The following LTF variants were observed in gnomAD, a reference collection of about 807,000 sequenced individuals.
LTF encodes the protein epididymis luminal protein 110.
In LTF, 91 loss-of-function variants were observed where a neutral mutation model predicts 87.2. The observed-to-expected ratio is 1.04, with a 90% CI of 0.88 to 1.24. The LOEUF is 1.24. Among genes scored for constraint, LTF ranks in the 50% most tolerant of loss-of-function variants. The pLI, the probability that LTF is intolerant of heterozygous loss-of-function variation, is 0.00. For missense variants in LTF, 901 were observed against 904.3 expected, an observed-to-expected ratio of 1.00 and a Z score of 0.05; for synonymous variants, 378 against 356.1, an observed-to-expected ratio of 1.06 and a Z score of -0.69.
chr3:46,464,580 T>G (rs1468759288), intron 1 of LTF, among the ~76,000 whole-genome samples: 1 of 152,170 alleles, frequency 6.6e-6, no homozygotes, highest in African/African-American at 2.4e-5. Flanking sequence ...CTGGGAGGCC[T>G]TTTGAGAAGC....
At chr3:46,447,636 A>C (rs1702688740) in intron 9 of LTF, among the ~76,000 whole-genome samples, 1 of 152,182 alleles carries the variant, frequency 6.6e-6, no homozygotes, top group South Asian at 2.1e-4. Flanking sequence ...GGTTGCACTA[A>C]TCCTCTGTCC....
upstream of LTF, among the ~76,000 whole-genome samples, chr3:46,465,575 C>A (rs1027681397): frequency 6.6e-6 from 1 of 151,290 alleles, no homozygotes; most frequent in Non-Finnish European, 1.5e-5. Context: ...GAGAAAGATG[C>A]CCTATGGCTA....
chr3:46,447,443 C>G, intron 9 of LTF, 45 bp from the exon 10 acceptor site: 1 of 1,335,018 alleles, frequency 7.5e-7, no homozygotes, highest in South Asian at 1.2e-5. Flanking sequence ...GAGGCTGCAT[C>G]CCGTCCTGCC....
intron 2 of LTF, 150 bp downstream of exon 2, chr3:46,459,506 A>G: frequency 1.5e-6 from 1 of 674,194 alleles, no homozygotes; most frequent in Non-Finnish European, 2.1e-6. Flanking sequence ...CTCTGAAAAT[A>G]GCACAGTTCC....
intron 12 of LTF, 84 bp downstream of exon 12, chr3:46,445,197 C>A: frequency 7.3e-7 from 1 of 1,366,528 alleles, no homozygotes; most frequent in Non-Finnish European, 9.9e-7. Context: ...TGCAAATCCC[C>A]TCCCCTCCCT....
chr3:46,436,339 C>T (rs75094754), intron 16 of LTF, 110 bp from the exon 17 acceptor site: 137,012 of 973,992 alleles, frequency 0.14, 10,813 homozygotes, highest in African/African-American at 0.21. Flanking sequence ...GCCCTTCTCC[C>T]ATCACTGAGT....
rs775207265 is a variant in LTF, at chr3:46,439,353, G to T, written c.1851C>A (p.Ala617=). 3.7e-6 allele frequency: 6 copies of T among 1,614,214 alleles called. No individual in the cohort carries two copies. The Admixed American group carries it at 1.0e-4, about 27-fold the overall frequency. Residue 617 remains alanine, a synonymous_variant, in exon 15 of 17, where the codon GCC becomes GCA. Transcript: ENST00000231751. ...CCACCTTATCCATCCGAGACACCAC[G>T]GCATGATTCGGGGCCATGGCAAGAT... The part of the protein sequence containing the change: ...SCHLAMAPNH[A]VVSRMDKVER...
At chr3:46,478,890 C>G (rs1420186616) in intron 1 of LTF, among the ~76,000 whole-genome samples, 1 of 152,210 alleles carries the variant, frequency 6.6e-6, no homozygotes, top group Non-Finnish European at 1.5e-5. Context: ...GGGCGTGTGG[C>G]CTGCTCAGAC....
At chr3:46,481,528 A>G (rs1366451047) in intron 1 of LTF, among the ~76,000 whole-genome samples, 1 of 152,232 alleles carries the variant, frequency 6.6e-6, no homozygotes, top group African/African-American at 2.4e-5. Context: ...TATGCCACTA[A>G]GACTTGGGTA....
chr3:46,472,203 C>T (rs1703298945), intron 1 of LTF, among the ~76,000 whole-genome samples: 1 of 152,034 alleles, frequency 6.6e-6, no homozygotes, highest in South Asian at 2.1e-4. Context: ...TTAGGAGGTG[C>T]CTGCCATGAG....
At chr3:46,474,621 G>C (rs1476085224) in intron 1 of LTF, among the ~76,000 whole-genome samples, 1 of 152,158 alleles carries the variant, frequency 6.6e-6, no homozygotes, top group Admixed American at 6.5e-5. Flanking sequence ...CATTTATAGA[G>C]CCCTTTACCC....
At chr3:46,437,806 C>T (rs996169667) in intron 16 of LTF, 134 bp downstream of exon 16, 3 of 690,642 alleles carry the variant, frequency 4.3e-6, no homozygotes, top group African/African-American at 3.6e-5. Context: ...ATTATAATTT[C>T]CTGAACTGTA....
Position 46,449,901 on chromosome 3 carries a change from A to G in LTF, c.1010T>C (p.Leu337Pro), listed in dbSNP as rs992849720. ...AGTGAAGTAGCCGGAGCCAAGGTACAGCCCAGAATCTATCCTCGGGGGCAC... is the reference window on the plus strand; with the variant it reads ...AGTGAAGTAGCCGGAGCCAAGGTACGGCCCAGAATCTATCCTCGGGGGCAC... ...SRVPPRIDSG[L>P]YLGSGYFTAI... Residue 337 changes from leucine to proline, a missense_variant, in exon 8 of 17, where the codon CTG becomes CCG. Leu to Pro is a moderately conservative substitution (Grantham distance 98). Transcript: ENST00000231751. The G allele has an allele frequency of 4.3e-6, 7 of 1,614,170 alleles. No individual in the cohort carries two copies. Among genetic ancestry groups the G allele is most frequent in the Non-Finnish European group, 5.9e-6 (7 of 1,180,018 alleles).
chr3:46,457,915 C>G (rs894741446), intron 2 of LTF, among the ~76,000 whole-genome samples: 2 of 151,464 alleles, frequency 1.3e-5, no homozygotes. Flanking sequence ...GTAGCTGGGA[C>G]TACAGGCGTG....
At chr3:46,456,091 A>C in intron 3 of LTF, 113 bp from the exon 4 acceptor site, 2 of 1,086,268 alleles carry the variant, frequency 1.8e-6, no homozygotes, top group Non-Finnish European at 2.6e-6. Context: ...CAGTTTCCTC[A>C]CAGCTCACGT....
chr3:46,458,223 CTGTT>C (rs1702988750), intron 2 of LTF, among the ~76,000 whole-genome samples: 1 of 152,036 alleles, frequency 6.6e-6, no homozygotes, highest in South Asian at 2.1e-4. Flanking sequence ...TTTAGAATAT[CTGTT>C]TGTTTCGTGA....
chr3:46,439,151 A>G (rs1461336835), intron 15 of LTF, 145 bp downstream of exon 15: 9 of 727,558 alleles, frequency 1.2e-5, no homozygotes, highest in Non-Finnish European at 1.1e-5. Context: ...GGGCAACGCC[A>G]CAGCATGAAG....
intron 1 of LTF, among the ~76,000 whole-genome samples, chr3:46,482,691 GGAAGGAAGGAAGGAAA>G (rs1559614888): frequency 5.3e-5 from 6 of 113,688 alleles, no homozygotes; most frequent in Admixed American, 1.9e-4. Flanking sequence ...AAGGAAGGAA[GGAAGGAAGGAAGGAAA>G]GAAAGAAAGA....
upstream of LTF, chr3:46,464,977 C>G (rs1370406047): frequency 4.8e-6 from 5 of 1,040,192 alleles, no homozygotes; most frequent in Non-Finnish European, 7.3e-6. Context: ...GACACCCCTT[C>G]CCTCCCCACT....
Sources: allele counts gnomAD v4.1 joint callset (sites outside exome capture counted in the v4.1 genomes callset), GRCh38; gene constraint gnomAD v4.1.1; transcripts MANE v1.5; gene names NCBI Gene and HGNC (gene_info 2026-07-23, HGNC 2026-07-21).